Variants in KTN1 observed in about 807,000 individuals in gnomAD.
KTN1 encodes kinectin 1.
Under a neutral mutation model 222.5 loss-of-function variants are expected in KTN1, and 130 were observed. The observed-to-expected ratio is 0.58, with a 90% CI of 0.51 to 0.68. KTN1 has a LOEUF of 0.68. KTN1 is among the 30% of genes least tolerant of loss of function. The pLI, the probability that KTN1 is intolerant of heterozygous loss-of-function variation, is 0.00. For missense variants in KTN1, 1,508 were observed against 1,500.4 expected (o/e 1.01, Z -0.08); for synonymous variants, 512 against 496.3 (o/e 1.03, Z -0.42).
chr14:55,642,475 G>A (rs1015013836), intron 18 of KTN1, among the ~76,000 whole-genome samples: 1 of 152,060 alleles, frequency 6.6e-6, no homozygotes, highest in Non-Finnish European at 1.5e-5. Flanking sequence ...TGCTGCCTTC[G>A]TACTCTTCTT....
intron 5 of KTN1, among the ~76,000 whole-genome samples, chr14:55,620,901 G>T (rs1019437869): frequency 1.3e-5 from 2 of 152,152 alleles, no homozygotes; most frequent in Admixed American, 1.3e-4. Flanking sequence ...CTCAGAAAGT[G>T]GGATTTTCTT....
At chr14:55,592,417 T>G (rs2034306945) in intron 1 of KTN1, among the ~76,000 whole-genome samples, 1 of 152,196 alleles carries the variant, frequency 6.6e-6, no homozygotes, top group Non-Finnish European at 1.5e-5. Context: ...ACAACTTACT[T>G]TTAGAGTCAT....
chr14:55,672,991 C>T lies in KTN1; in HGVS notation c.3666C>T (p.Thr1222=). Reference sequence around the variant, plus strand: ...AAAAGGCAGAGATGGAACGATCTACCTATGTTACAGAAGTCAGAGAGGTAC... The same window carrying T: ...AAAAGGCAGAGATGGAACGATCTACTTATGTTACAGAAGTCAGAGAGGTAC... ...ELEKAEMERS[T]YVTEVRELKD... The change falls in exon 39 of 44, where the codon ACC becomes ACT. Residue 1222 remains threonine (T), a synonymous_variant. Transcript: ENST00000395314. 3.7e-6 allele frequency: 6 copies of T among 1,612,302 alleles called. No homozygotes were observed. The highest frequency in any genetic ancestry group is 5.1e-6 in the Non-Finnish European group (6 of 1,178,556).
Position 55,640,325 on chromosome 14 carries a change from T to G in KTN1, c.1915-49T>G, listed in dbSNP as rs770613072. On this transcript the variant is annotated intron_variant, in intron 14 of 43. Transcript: ENST00000395314. The stretch of plus-strand genomic sequence containing the variant: ...TGTAGAAAAGATGCTTTACAAACTT[T>G]AAAATCAGTTGTATTAAGTATTTTA... 1.1e-5 allele frequency: 14 copies of G among 1,269,058 alleles called. No homozygotes were observed. The South Asian group carries it at 1.8e-4, about 17-fold the overall frequency. 78.6% of individuals were successfully genotyped at this position (1,269,058 alleles called of 1,614,324 possible). A position where few individuals can be genotyped will look rare whatever the true frequency, so the allele number is the denominator to read the frequency against.
chr14:55,652,820 C>A, intron 25 of KTN1, 30 bp from the exon 26 acceptor site: 1 of 1,475,132 alleles, frequency 6.8e-7, no homozygotes, highest in South Asian at 1.2e-5. Context: ...GTAACATTTT[C>A]ATTTAGAGTT....
intron 25 of KTN1, among the ~76,000 whole-genome samples, chr14:55,652,603 G>C (rs537619174): frequency 1.8e-4 from 28 of 152,184 alleles, no homozygotes; most frequent in Admixed American, 1.0e-3. Flanking sequence ...GTTTCACCGT[G>C]TTAGCCAGGA....
chr14:55,648,103 AGAG>A lies in KTN1; in HGVS notation c.2290_2292del (p.Glu764del), dbSNP rs774463831. On this transcript the variant is annotated inframe_deletion, in exon 20 of 44. Coordinates refer to ENST00000395314, the MANE Select transcript of KTN1 (RefSeq NM_001079521.2). ...GACTTATTCAGGTGGCAACTAAAGA[AGAG>A]GAGCTGAATGTAAAGCATTTTGTAG... 6.5e-7 allele frequency: 1 copy of A among 1,543,218 alleles called. No homozygotes were observed. The highest frequency in any genetic ancestry group is 1.2e-5 in the South Asian group (1 of 83,778).
chr14:55,591,371 C>A (rs576830215), intron 1 of KTN1, among the ~76,000 whole-genome samples: 1 of 152,160 alleles, frequency 6.6e-6, no homozygotes, highest in Non-Finnish European at 1.5e-5. Flanking sequence ...AATAGAATTG[C>A]TGGATTGTAG....
At chr14:55,591,556 C>T (rs1417329339) in intron 1 of KTN1, among the ~76,000 whole-genome samples, 1 of 136,912 alleles carries the variant, frequency 7.3e-6, no homozygotes, top group South Asian at 2.4e-4. Flanking sequence ...CATTGTATGT[C>T]TTGCATTTCT....
intron 23 of KTN1, 40 bp downstream of exon 23, chr14:55,650,458 A>G (rs1465138789): frequency 1.3e-6 from 2 of 1,547,770 alleles, no homozygotes; most frequent in Non-Finnish European, 8.9e-7. Flanking sequence ...GTTTTTGTTT[A>G]TCAACTTTAG....
chr14:55,678,457 T>A lies in KTN1; in HGVS notation c.3948+13T>A, dbSNP rs765568447. ...TTCCCCAGAAACGGTATGTATTTTC[T>A]TCATCCCCAGATCTCTGAGCTAGTT... On this transcript the variant is annotated intron_variant, in intron 42 of 43. Coordinates refer to ENST00000395314, the MANE Select transcript of KTN1 (RefSeq NM_001079521.2). 6.6e-7 allele frequency: 1 copy of A among 1,516,288 alleles called. No homozygotes were observed. Among genetic ancestry groups the A allele is most frequent in the Non-Finnish European group, 9.2e-7 (1 of 1,091,074 alleles). 93.9% of individuals were successfully genotyped at this position (1,516,288 alleles called of 1,614,324 possible). A position where few individuals can be genotyped will look rare whatever the true frequency, so the allele number is the denominator to read the frequency against.
chr14:55,680,619 A>G, intron 43 of KTN1: 1 of 852,150 alleles, frequency 1.2e-6, no homozygotes, highest in Non-Finnish European at 1.8e-6. Flanking sequence ...GGGAGAGCTT[A>G]GGTATCCTGG....
At chr14:55,602,421 G>A (rs550117663) in intron 1 of KTN1, among the ~76,000 whole-genome samples, 12 of 152,220 alleles carry the variant, frequency 7.9e-5, no homozygotes, top group South Asian at 6.2e-4. Context: ...ACTTCCTTTC[G>A]CAGTGAGATT....
intron 1 of KTN1, among the ~76,000 whole-genome samples, chr14:55,600,117 CTT>C (rs1227414993): frequency 5.9e-4 from 88 of 149,948 alleles, no homozygotes; most frequent in African/African-American, 2.1e-3. Context: ...TATTATGTCT[CTT>C]CTGGGGATAA....
intron 10 of KTN1, among the ~76,000 whole-genome samples, 155 bp downstream of exon 10, chr14:55,636,691 T>A (rs2041162885): frequency 6.6e-6 from 1 of 152,136 alleles, no homozygotes; most frequent in South Asian, 2.1e-4. Context: ...TCTTTGACAT[T>A]TGTTAGGGTT....
intron 25 of KTN1, 109 bp from the exon 26 acceptor site, chr14:55,652,741 A>G: frequency 1.5e-6 from 1 of 683,412 alleles, no homozygotes; most frequent in Non-Finnish European, 2.5e-6. Flanking sequence ...TAGTTCAATC[A>G]GCTGGTCTGT....
At chr14:55,651,562 A>G in intron 24 of KTN1, 1 of 369,302 alleles carries the variant, frequency 2.7e-6, no homozygotes, top group Non-Finnish European at 5.2e-6. Flanking sequence ...GGTGTTTACA[A>G]CTGATTGATC....
At chr14:55,603,315 A>G (rs1594783300) in intron 1 of KTN1, among the ~76,000 whole-genome samples, 1 of 152,204 alleles carries the variant, frequency 6.6e-6, no homozygotes, top group East Asian at 1.9e-4. Context: ...CACACTTGCT[A>G]GAGTTCTTCT....
At chr14:55,664,459 T>C (rs1412208800) in intron 33 of KTN1, among the ~76,000 whole-genome samples, 1 of 152,142 alleles carries the variant, frequency 6.6e-6, no homozygotes, top group Non-Finnish European at 1.5e-5. Flanking sequence ...ATGTCTCAGA[T>C]AAGGTAGAGA....
Sources: gnomAD v4.1 joint callset for allele counts (sites outside exome capture counted in the v4.1 genomes callset) on GRCh38, gnomAD v4.1.1 for gene constraint, MANE v1.5 for transcripts, NCBI Gene and HGNC (gene_info 2026-07-23, HGNC 2026-07-21) for gene names.